The following EDNRB variants were observed in gnomAD, a reference collection of about 807,000 sequenced individuals.
The protein encoded by EDNRB is endothelin receptor type B.
In EDNRB, 18 loss-of-function variants were observed where a neutral mutation model predicts 46.4. That is an observed-to-expected ratio of 0.39 (90% CI 0.27 to 0.57). The LOEUF is 0.57. Ranked by LOEUF, EDNRB falls within the 20% of genes least tolerant of loss-of-function variation. EDNRB has a pLI of 0.61. For missense variants in EDNRB, 434 were observed against 537.5 expected (o/e 0.81, Z 1.90); for synonymous variants, 213 against 204.9 (o/e 1.04, Z -0.34).
At chr13:77,951,370 A>G (rs752072930) in intron 1 of EDNRB, among the ~76,000 whole-genome samples, 18 of 152,190 alleles carry the variant, frequency 1.2e-4, no homozygotes, top group Non-Finnish European at 2.4e-4. Context: ...CAGCATAGTG[A>G]CAACAAAACA....
Position 77,898,170 on chromosome 13 carries a change from G to T in EDNRB, c.*30C>A. 3.7e-6 allele frequency: 6 copies of T among 1,607,668 alleles called. No homozygotes were observed. The highest frequency in any genetic ancestry group is 5.1e-6 in the Non-Finnish European group (6 of 1,176,574). On this transcript the variant is annotated 3_prime_UTR_variant, in exon 7 of 7. Transcript: ENST00000646607. ...TTTAATGACTTCGGTCCAATATAAA[G>T]AAAATGAAATACAGTGAATAGTTCT...
At chr13:77,922,385 G>A (rs902113926), upstream of EDNRB, among the ~76,000 whole-genome samples, 5 of 152,038 alleles carry the variant, frequency 3.3e-5, no homozygotes, top group African/African-American at 9.7e-5. Context: ...AAACCTTTTC[G>A]CCTGGTGACA....
At chr13:77,931,450 C>A (rs77156815) in intron 1 of EDNRB, among the ~76,000 whole-genome samples, 11 of 151,954 alleles carry the variant, frequency 7.2e-5, no homozygotes, top group Admixed American at 5.2e-4. Flanking sequence ...TGTAGCTGAT[C>A]GGTGGGGGAA....
intron 1 of EDNRB, among the ~76,000 whole-genome samples, chr13:77,932,634 T>C (rs1221763905): frequency 1.3e-5 from 2 of 152,240 alleles, no homozygotes; most frequent in African/African-American, 2.4e-5. Flanking sequence ...CTTGTAACCA[T>C]ATATTTTGGA....
intron 1 of EDNRB, among the ~76,000 whole-genome samples, chr13:77,935,066 A>C (rs1222941856): frequency 6.6e-6 from 1 of 151,620 alleles, no homozygotes; most frequent in Non-Finnish European, 1.5e-5. Context: ...GTACAGCTGA[A>C]GGAGCCGGGG....
At chr13:77,898,624 A>G (rs1239530274) in intron 6 of EDNRB, among the ~76,000 whole-genome samples, 1 of 152,014 alleles carries the variant, frequency 6.6e-6, no homozygotes, top group Non-Finnish European at 1.5e-5. Flanking sequence ...TATTTGATAA[A>G]CATATAATTC....
chr13:77,969,642 G>T (rs1420687646), intron 1 of EDNRB, among the ~76,000 whole-genome samples: 1 of 152,140 alleles, frequency 6.6e-6, no homozygotes, highest in African/African-American at 2.4e-5. Flanking sequence ...CACAAGGAAA[G>T]TCATGAGGAA....
chr13:77,929,405 G>T (rs1880323870), intron 1 of EDNRB, among the ~76,000 whole-genome samples: 1 of 152,102 alleles, frequency 6.6e-6, no homozygotes, highest in African/African-American at 2.4e-5. Context: ...TATTTTGTTG[G>T]CATCAGCTTG....
intron 1 of EDNRB, among the ~76,000 whole-genome samples, chr13:77,934,202 A>C (rs1880487178): frequency 6.6e-6 from 1 of 152,222 alleles, no homozygotes; most frequent in Admixed American, 6.5e-5. Context: ...GTGTCCATAC[A>C]GGAGCTTAAA....
At chr13:77,947,818 G>A (rs1164973397) in intron 1 of EDNRB, 1 of 135,378 alleles carries the variant, frequency 7.4e-6, no homozygotes, top group Non-Finnish European at 1.6e-5. Flanking sequence ...GTCTCAATAT[G>A]TTGCTCAGGC....
At chr13:77,908,817 T>C (rs1025538061) in intron 1 of EDNRB, among the ~76,000 whole-genome samples, 1 of 152,036 alleles carries the variant, frequency 6.6e-6, no homozygotes, top group Non-Finnish European at 1.5e-5. Flanking sequence ...TAGAGTTTAA[T>C]ATTGACACTA....
intron 1 of EDNRB, among the ~76,000 whole-genome samples, chr13:77,954,615 G>A (rs149576363): frequency 7.9e-4 from 120 of 151,906 alleles, no homozygotes; most frequent in East Asian, 4.3e-3. Context: ...GGGTTCAAGC[G>A]ATTCTCCTGC....
rs201663505 is a variant in EDNRB, at chr13:77,898,102, A to G, written c.*98T>C. 7 of 1,540,372 alleles carry G rather than the reference A, an allele frequency of 4.5e-6. No individual in the cohort carries two copies. The highest frequency in any genetic ancestry group is 6.1e-6 in the Non-Finnish European group (7 of 1,144,642). Reference sequence around the variant, plus strand: ...AATATTTTAATAGTGTGCTGTGCAAATACATAGTTTTTTGTTTTGTTTTGG... The same window carrying G: ...AATATTTTAATAGTGTGCTGTGCAAGTACATAGTTTTTTGTTTTGTTTTGG... On this transcript the variant is annotated 3_prime_UTR_variant, in exon 7 of 7. Transcript: ENST00000646607.
exon 1 of EDNRB, chr13:77,975,377 A>C (rs954298984): frequency 6.6e-6 from 1 of 152,358 alleles, no homozygotes; most frequent in African/African-American, 2.4e-5. Flanking sequence ...TCCAAGTACC[A>C]GTTCCTTCCC....
intron 1 of EDNRB, among the ~76,000 whole-genome samples, chr13:77,938,311 C>G (rs1338622891): frequency 1.3e-5 from 2 of 150,892 alleles, no homozygotes; most frequent in Non-Finnish European, 2.9e-5. Context: ...TTAGAGGTCA[C>G]AGCAGAGAAA....
chr13:77,896,954 C>T lies in EDNRB; in HGVS notation c.*1246G>A. 1.0e-6 allele frequency: 1 copy of T among 991,844 alleles called. No homozygotes were observed. Among genetic ancestry groups the T allele is most frequent in the East Asian group, 1.1e-4 (1 of 8,940 alleles). The allele number at this position is 991,844 out of a possible 1,614,324, so 61.4% of individuals were successfully genotyped here. ...AAAGAAAAGCACCATGTCAAGCAAA[C>T]TTTTCTATTGGCTATTTACAAAAAT... On this transcript the variant is annotated 3_prime_UTR_variant, in exon 7 of 7. Transcript: ENST00000646607.
chr13:77,922,387 C>G (rs997749548), upstream of EDNRB, among the ~76,000 whole-genome samples: 1 of 152,128 alleles, frequency 6.6e-6, no homozygotes, highest in Non-Finnish European at 1.5e-5. Flanking sequence ...ACCTTTTCGC[C>G]TGGTGACAGA....
In EDNRB at chr13:77,960,869, A is replaced by G. The variant is rs1440258599; in HGVS notation, c.-52+14478T>C. 3.3e-5 allele frequency among the ~76,000 whole-genome samples: 5 copies of G among 151,818 alleles called. 1 individual carries two copies. The highest frequency in any genetic ancestry group is 7.4e-5 in the Non-Finnish European group (5 of 67,954). On this transcript the variant is annotated intron_variant, in intron 1 of 7. Transcript: ENST00000646948. ...ATCTACCAAGCAAATGGAAAAAAAAAAAAAAAAAAGCAGGAGTTGCAATCC... is the reference window on the plus strand; with the variant it reads ...ATCTACCAAGCAAATGGAAAAAAAAGAAAAAAAAAGCAGGAGTTGCAATCC...
At chr13:77,945,890 A>C (rs1021423578) in intron 1 of EDNRB, among the ~76,000 whole-genome samples, 1 of 151,560 alleles carries the variant, frequency 6.6e-6, no homozygotes, top group Non-Finnish European at 1.5e-5. Context: ...AAAAAAAAAA[A>C]AAACAAAAAA....
Sources: allele counts gnomAD v4.1 joint callset (sites outside exome capture counted in the v4.1 genomes callset), GRCh38; gene constraint gnomAD v4.1.1; transcripts MANE v1.5; gene names NCBI Gene and HGNC (gene_info 2026-07-23, HGNC 2026-07-21).